RFX8: variants seen among roughly 807,000 people sequenced by gnomAD.
RFX8 encodes the protein regulatory factor X8, also known as DNA-binding protein RFX8.
In RFX8, 46 loss-of-function variants were observed where a neutral mutation model predicts 54.6. The observed-to-expected ratio is 0.84, with a 90% CI of 0.67 to 1.08. The LOEUF (loss-of-function observed/expected upper bound fraction) is 1.08. Ranked by LOEUF, RFX8 falls within the 50% of genes least tolerant of loss-of-function variation. RFX8 has a pLI of 0.00. For missense variants in RFX8, 536 were observed against 562.3 expected (o/e 0.95, Z 0.47); for synonymous variants, 192 against 209.5 (o/e 0.92, Z 0.72).
At chr2:101,457,687 G>T (rs150763166) in intron 2 of RFX8, among the ~76,000 whole-genome samples, 3,127 of 152,284 alleles carry the variant, frequency 0.021, 109 homozygotes, top group African/African-American at 0.071. Flanking sequence ...ATATTCTGTT[G>T]ATTTGGGCTG....
intron 4 of RFX8, among the ~76,000 whole-genome samples, chr2:101,420,855 G>A (rs1249975631): frequency 2.0e-5 from 3 of 152,194 alleles, no homozygotes; most frequent in Non-Finnish European, 4.4e-5. Context: ...TATTTATTGG[G>A]TAATATTGCT....
In RFX8 at chr2:101,421,662, G is replaced by A. The variant is rs1451378621; in HGVS notation, c.237+62C>T. The A allele has an allele frequency of 2.6e-6, 4 of 1,512,090 alleles. No homozygotes were observed. In the Admixed American group the frequency reaches 9.6e-5, roughly 36 times the overall value. The allele number at this position is 1,512,090 out of a possible 1,614,324, so 93.7% of individuals were successfully genotyped here. ...TCTTCAAATAAAAATGATTAATAAG[G>A]AGTCATAAATGCTTGTATTTTATAG... On this transcript the variant is annotated intron_variant, in intron 4 of 11. Transcript: ENST00000428343.
intron 5 of RFX8, 32 bp from the exon 6 acceptor site, chr2:101,417,716 T>G: frequency 6.6e-7 from 1 of 1,523,250 alleles, no homozygotes; most frequent in Non-Finnish European, 8.8e-7. Flanking sequence ...ACTATGATTC[T>G]GCTGATGGTG....
At chr2:101,461,262 C>CAAAAAAAAAAAAAA (rs11350961) in intron 2 of RFX8, among the ~76,000 whole-genome samples, 3 of 89,906 alleles carry the variant, frequency 3.3e-5, no homozygotes, top group African/African-American at 4.2e-5. Flanking sequence ...GACTCCATCT[C>CAAAAAAAAAAAAAA]AAAAAAAAAA....
chr2:101,434,358 G>A (rs1026350918), intron 2 of RFX8, among the ~76,000 whole-genome samples: 16 of 152,120 alleles, frequency 1.1e-4, no homozygotes, highest in Non-Finnish European at 2.4e-4. Flanking sequence ...CTGCATTGGG[G>A]CCATTACTGT....
Position 101,422,348 on chromosome 2 carries a change from G to A in RFX8, c.183+14C>T. ...CAGCGTGAAAGGCTAATCTCCCCAT[G>A]AGTGCAAACCTACCATATTACAGGA... On this transcript the variant is annotated intron_variant, in intron 3 of 11. Transcript: ENST00000428343. The A allele has an allele frequency of 1.6e-6, 2 of 1,288,630 alleles. No homozygotes were observed. The highest frequency in any genetic ancestry group is 2.5e-5 in the East Asian group (1 of 39,768). 79.8% of individuals were successfully genotyped at this position (1,288,630 alleles called of 1,614,324 possible). A position where few individuals can be genotyped will look rare whatever the true frequency, so the allele number is the denominator to read the frequency against.
At chr2:101,444,371 T>C (rs1046083730) in intron 2 of RFX8, among the ~76,000 whole-genome samples, 2 of 152,200 alleles carry the variant, frequency 1.3e-5, no homozygotes, top group African/African-American at 4.8e-5. Context: ...ACCTACACAC[T>C]AAACCTAAAC....
intron 7 of RFX8, among the ~76,000 whole-genome samples, chr2:101,414,500 C>T (rs1403174106): frequency 6.6e-6 from 1 of 151,844 alleles, no homozygotes; most frequent in Non-Finnish European, 1.5e-5. Context: ...TCTCGAACTC[C>T]TGACATCAAG....
At chr2:101,418,699 C>T (rs141865367) in intron 5 of RFX8, among the ~76,000 whole-genome samples, 152 bp downstream of exon 5, 1 of 152,316 alleles carries the variant, frequency 6.6e-6, no homozygotes, top group African/African-American at 2.4e-5. Context: ...GAGTGTTAGG[C>T]AGAGATCAGA....
At chr2:101,455,972 G>T (rs1310717077) in intron 2 of RFX8, among the ~76,000 whole-genome samples, 1 of 152,070 alleles carries the variant, frequency 6.6e-6, no homozygotes, top group African/African-American at 2.4e-5. Context: ...TATTCTCTTT[G>T]TAGCAATTGT....
rs1025916220 is a variant in RFX8 at position 101,421,491 on chromosome 2, T to G, written c.237+233A>C. The G allele has an allele frequency of 2.5e-6, 3 of 1,206,518 alleles. No homozygotes were observed. In the African/African-American group the frequency reaches 4.7e-5, roughly 19 times the overall value. 74.7% of individuals were successfully genotyped at this position (1,206,518 alleles called of 1,614,324 possible). A position where few individuals can be genotyped will look rare whatever the true frequency, so the allele number is the denominator to read the frequency against. On this transcript the variant is annotated intron_variant, in intron 4 of 11. Transcript: ENST00000428343. ...TGAATTTGTATTTAGAGCCTAAAGT[T>G]ATCTGTATTAGCACCTTGGAGAATT... is the stretch of plus-strand genomic sequence containing the variant.
chr2:101,471,712 T>C (rs1020894256), intron 1 of RFX8, among the ~76,000 whole-genome samples: 2 of 152,210 alleles, frequency 1.3e-5, no homozygotes, highest in Non-Finnish European at 2.9e-5. Flanking sequence ...TTCCTGTCCA[T>C]GAAACAGAAA....
intron 9 of RFX8, among the ~76,000 whole-genome samples, chr2:101,408,224 G>A (rs1047877678): frequency 6.6e-6 from 1 of 152,108 alleles, no homozygotes; most frequent in East Asian, 1.9e-4. Flanking sequence ...GGTGGCTCAC[G>A]CCTGTAATCC....
At chr2:101,427,326 C>T (rs1687233191) in intron 2 of RFX8, among the ~76,000 whole-genome samples, 1 of 152,182 alleles carries the variant, frequency 6.6e-6, no homozygotes, top group African/African-American at 2.4e-5. Flanking sequence ...CATGTCATCA[C>T]AAAGGTGCTT....
intron 4 of RFX8, among the ~76,000 whole-genome samples, chr2:101,419,769 G>A (rs1266754535): frequency 6.6e-6 from 1 of 152,192 alleles, no homozygotes; most frequent in Non-Finnish European, 1.5e-5. Context: ...GGCCACAGGC[G>A]CTGATTTAAA....
At chr2:101,448,524 A>T (rs2148968478) in intron 2 of RFX8, among the ~76,000 whole-genome samples, 1 of 152,272 alleles carries the variant, frequency 6.6e-6, no homozygotes, top group South Asian at 2.1e-4. Context: ...GCCCTTCATG[A>T]TCCCCTACCC....
intron 1 of RFX8, among the ~76,000 whole-genome samples, chr2:101,473,433 G>A (rs1690122392): frequency 6.6e-6 from 1 of 152,048 alleles, no homozygotes; most frequent in Non-Finnish European, 1.5e-5. Flanking sequence ...TTGAAGATAA[G>A]ACATGTCAAA....
intron 2 of RFX8, among the ~76,000 whole-genome samples, chr2:101,437,515 C>T (rs894511830): frequency 2.2e-4 from 33 of 151,692 alleles, no homozygotes; most frequent in Admixed American, 2.2e-3. Flanking sequence ...GCGGTCAAGG[C>T]TGCAGTGAGC....
rs376051239 is a variant in RFX8, at chr2:101,413,027, C to G, written c.606G>C (p.Leu202Phe). 79 of 1,552,004 alleles carry G rather than the reference C, an allele frequency of 5.1e-5. No individual in the cohort carries two copies. The highest frequency in any genetic ancestry group is 5.7e-5 in the Non-Finnish European group (65 of 1,147,080). ...TGATGATGGCCTGTAGATCTGACTT[C>G]AAAACGCTGACACGCCTCTTACTTT... ...VLKSKRRVSV[L>F]KSDLQAIINQ... is the part of the protein sequence containing the mutation. The change falls in exon 8 of 12, where the codon TTG (leucine) becomes TTC (phenylalanine). Residue 202 changes from leucine to phenylalanine, a missense_variant. By Grantham distance (22) the Leu-to-Phe change is conservative. Coordinates refer to ENST00000428343, the MANE Select transcript of RFX8 (RefSeq NM_001145664.2).
Sources: gnomAD v4.1 joint callset for allele counts (sites outside exome capture counted in the v4.1 genomes callset) on GRCh38, gnomAD v4.1.1 for gene constraint, MANE v1.5 for transcripts, NCBI Gene and HGNC (gene_info 2026-07-23, HGNC 2026-07-21) for gene names.